The following NKAIN3 variants were observed in gnomAD, a reference collection of about 807,000 sequenced individuals.
NKAIN3 encodes sodium/potassium transporting ATPase interacting 3.
In NKAIN3, 25 loss-of-function variants were observed where a neutral mutation model predicts 30.2. That is an observed-to-expected ratio of 0.83 (90% CI 0.60 to 1.16). The LOEUF is 1.16. Among genes scored for constraint, NKAIN3 ranks in the 50% most tolerant of loss-of-function variants. NKAIN3 has a pLI of 0.00. For missense variants in NKAIN3, 225 were observed against 254.1 expected (o/e 0.89, Z 0.78); for synonymous variants, 91 against 89.6 (o/e 1.02, Z -0.09).
At chr8:62,612,223 C>T (rs1811315090) in intron 3 of NKAIN3, among the ~76,000 whole-genome samples, 1 of 151,862 alleles carries the variant, frequency 6.6e-6, no homozygotes, top group African/African-American at 2.4e-5. Context: ...AATGTTTTCT[C>T]CAGCTTTTTA....
intron 3 of NKAIN3, among the ~76,000 whole-genome samples, chr8:62,609,545 G>T (rs1385943914): frequency 2.0e-5 from 3 of 151,894 alleles, no homozygotes; most frequent in African/African-American, 7.3e-5. Context: ...ATATAACTGG[G>T]GGATAAAAAG....
intron 3 of NKAIN3, among the ~76,000 whole-genome samples, chr8:62,653,857 G>C (rs1812694209): frequency 1.3e-5 from 2 of 152,088 alleles, no homozygotes. Flanking sequence ...GTGATATTCT[G>C]GGTTAGGACT....
At chr8:62,582,932 G>A (rs1017866101) in intron 2 of NKAIN3, among the ~76,000 whole-genome samples, 4 of 152,116 alleles carry the variant, frequency 2.6e-5, no homozygotes, top group Admixed American at 6.5e-5. Context: ...GCCTCCTGCT[G>A]CACCTGCCTC....
intron 1 of NKAIN3, among the ~76,000 whole-genome samples, chr8:62,308,674 T>C (rs1563927947): frequency 1.3e-5 from 2 of 150,582 alleles, no homozygotes; most frequent in East Asian, 3.9e-4. Flanking sequence ...ATGAATTAAC[T>C]GTGGGCAACA....
intron 1 of NKAIN3, among the ~76,000 whole-genome samples, chr8:62,566,006 G>A (rs1363318248): frequency 1.3e-5 from 2 of 152,122 alleles, no homozygotes; most frequent in East Asian, 1.9e-4. Context: ...TTTGCCCACT[G>A]TAAAGTCAAA....
intron 1 of NKAIN3, among the ~76,000 whole-genome samples, chr8:62,477,298 C>G (rs554445020): frequency 6.6e-6 from 1 of 151,860 alleles, no homozygotes; most frequent in Non-Finnish European, 1.5e-5. Context: ...TTTTTGGAGC[C>G]CTTTGCCAAA....
intron 1 of NKAIN3, among the ~76,000 whole-genome samples, chr8:62,532,387 C>A (rs1241090283): frequency 7.2e-6 from 1 of 138,864 alleles, no homozygotes; most frequent in Non-Finnish European, 1.5e-5. Flanking sequence ...TCCAATACTA[C>A]ATATAACGTC....
At chr8:62,640,386 C>T (rs534582033) in intron 3 of NKAIN3, among the ~76,000 whole-genome samples, 10 of 152,184 alleles carry the variant, frequency 6.6e-5, no homozygotes, top group South Asian at 2.1e-4. Flanking sequence ...CCATGTAAGA[C>T]GTGTGTCTTC....
At chr8:62,860,304 A>G (rs1000325897) in intron 4 of NKAIN3, among the ~76,000 whole-genome samples, 2 of 152,138 alleles carry the variant, frequency 1.3e-5, no homozygotes, top group African/African-American at 4.8e-5. Flanking sequence ...CACCTCTGTC[A>G]TTTTCCTACT....
intron 1 of NKAIN3, among the ~76,000 whole-genome samples, chr8:62,548,446 T>C (rs982563791): frequency 1.3e-5 from 2 of 152,118 alleles, no homozygotes; most frequent in African/African-American, 4.8e-5. Context: ...CTATAGCCCT[T>C]ACAGAGCCAC....
At chr8:62,859,061 C>T (rs189885333) in intron 4 of NKAIN3, among the ~76,000 whole-genome samples, 11 of 152,252 alleles carry the variant, frequency 7.2e-5, no homozygotes, top group African/African-American at 2.6e-4. Context: ...GACCCAAGGC[C>T]CTGGTGGTGT....
chr8:62,484,614 C>T (rs987676115), intron 1 of NKAIN3, among the ~76,000 whole-genome samples: 1 of 152,212 alleles, frequency 6.6e-6, no homozygotes, highest in Non-Finnish European at 1.5e-5. Flanking sequence ...ACAGATTGCA[C>T]TCATTATGGC....
Position 62,721,832 on chromosome 8 carries a change from G to T in NKAIN3, c.274-25100G>T, listed in dbSNP as rs931887018. Among the ~76,000 whole-genome samples, 18 of 152,176 alleles carry T rather than the reference G, an allele frequency of 1.2e-4. No homozygotes were observed. The East Asian group carries it at 3.5e-3, about 29-fold the overall frequency. ...ATAGGGCAGAACATAGACAATGGTTGTGGCCTCAACTGTTGTCACTTCAGA... is the reference window on the plus strand; with the variant it reads ...ATAGGGCAGAACATAGACAATGGTTTTGGCCTCAACTGTTGTCACTTCAGA... On this transcript the variant is annotated intron_variant, in intron 3 of 6. Coordinates refer to ENST00000623646, the MANE Select transcript of NKAIN3 (RefSeq NM_001304533.3).
chr8:62,320,898 AG>A, intron 1 of NKAIN3, among the ~76,000 whole-genome samples: 1 of 152,272 alleles, frequency 6.6e-6, no homozygotes, highest in East Asian at 1.9e-4. Flanking sequence ...AGATTGGGGA[AG>A]TTCTCCTGGA....
intron 1 of NKAIN3, among the ~76,000 whole-genome samples, chr8:62,256,860 G>A (rs886756681): frequency 5.3e-5 from 8 of 152,152 alleles, no homozygotes; most frequent in African/African-American, 1.7e-4. Context: ...GAAGTAAATG[G>A]TTTCAACATT....
intron 1 of NKAIN3, among the ~76,000 whole-genome samples, chr8:62,468,922 A>G (rs995787056): frequency 2.0e-5 from 3 of 152,180 alleles, no homozygotes; most frequent in African/African-American, 7.2e-5. Context: ...CCCAGCACCT[A>G]GTAGACATCT....
rs574231094 is a variant in NKAIN3, at chr8:62,249,178, G to C, written c.54+51G>C. ...CAGGACAGGTCCCTGCTCCAGGACC[G>C]GCCTCTGCGACTCCCTCTGCGGTTC... On this transcript the variant is annotated intron_variant, in intron 1 of 6. Transcript: ENST00000623646. The C allele has an allele frequency of 1.1e-4, 158 of 1,438,602 alleles. No individual in the cohort carries two copies. The African/African-American group carries it at 2.1e-3, about 19-fold the overall frequency. The allele number at this position is 1,438,602 out of a possible 1,614,324, so 89.1% of individuals were successfully genotyped here.
intron 1 of NKAIN3, among the ~76,000 whole-genome samples, chr8:62,552,485 T>C (rs1221863795): frequency 2.0e-5 from 3 of 152,210 alleles, no homozygotes; most frequent in African/African-American, 7.2e-5. Context: ...GTTATGGATG[T>C]CACTATTTAA....
intron 4 of NKAIN3, among the ~76,000 whole-genome samples, chr8:62,885,093 GTT>G (rs1821105595): frequency 6.6e-6 from 1 of 151,870 alleles, no homozygotes; most frequent in Admixed American, 6.6e-5. Flanking sequence ...TATTTTATAT[GTT>G]GCTTTTATCT....
Sources: gnomAD v4.1 joint callset for allele counts (sites outside exome capture counted in the v4.1 genomes callset) on GRCh38, gnomAD v4.1.1 for gene constraint, MANE v1.5 for transcripts, NCBI Gene and HGNC (gene_info 2026-07-23, HGNC 2026-07-21) for gene names.